RTN1: variants seen among roughly 807,000 people sequenced by gnomAD.
RTN1 encodes the protein reticulon-1.
RTN1 carries 25 observed loss-of-function variants against 65.5 expected under a neutral mutation model. The ratio of observed to expected loss-of-function variants is 0.38; its 90% CI spans 0.28 to 0.53. The LOEUF (loss-of-function observed/expected upper bound fraction) is 0.53, where lower values mean the gene tolerates loss of function less well. RTN1 is among the 20% of genes least tolerant of loss of function. The pLI, the probability that RTN1 is intolerant of heterozygous loss-of-function variation, is 0.79. For missense variants in RTN1, 983 were observed against 1,025.4 expected (o/e 0.96, Z 0.57); for synonymous variants, 471 against 447.6 (o/e 1.05, Z -0.66).
At chr14:59,707,703 TC>T (rs1884326530) in intron 3 of RTN1, among the ~76,000 whole-genome samples, 1 of 133,892 alleles carries the variant, frequency 7.5e-6, no homozygotes, top group Non-Finnish European at 1.6e-5. Flanking sequence ...TCTGTCTCTC[TC>T]TTTTACACAC....
intron 3 of RTN1, among the ~76,000 whole-genome samples, chr14:59,723,709 A>G (rs775779933): frequency 3.3e-5 from 5 of 152,232 alleles, no homozygotes; most frequent in African/African-American, 4.8e-5. Context: ...ACTTATGCAC[A>G]GGGGATCTTG....
intron 3 of RTN1, chr14:59,610,369 C>G (rs77404349): frequency 1.8e-6 from 1 of 550,226 alleles, no homozygotes; most frequent in Non-Finnish European, 3.2e-6. Flanking sequence ...CTTAAAACAA[C>G]AGGCTGTTGG....
At chr14:59,798,975 T>G (rs940917112) in intron 1 of RTN1, among the ~76,000 whole-genome samples, 2 of 152,212 alleles carry the variant, frequency 1.3e-5, no homozygotes, top group East Asian at 1.9e-4. Context: ...TAAGATCTCT[T>G]GAAAAACAAT....
chr14:59,680,663 A>T (rs1883727673), intron 3 of RTN1, among the ~76,000 whole-genome samples: 1 of 152,224 alleles, frequency 6.6e-6, no homozygotes, highest in African/African-American at 2.4e-5. Flanking sequence ...AAATGTTCAT[A>T]TGTTTTAGTA....
intron 3 of RTN1, among the ~76,000 whole-genome samples, chr14:59,709,452 A>G (rs1884370003): frequency 6.6e-6 from 1 of 152,206 alleles, no homozygotes; most frequent in African/African-American, 2.4e-5. Context: ...AATATATTCT[A>G]TTTTATGGAT....
chr14:59,596,571 A>G lies in RTN1; in HGVS notation c.*174T>C. 1 of 565,242 alleles carries G rather than the reference A, an allele frequency of 1.8e-6. No individual in the cohort carries two copies. Among genetic ancestry groups the G allele is most frequent in the Non-Finnish European group, 3.2e-6 (1 of 310,830 alleles). 35.0% of individuals were successfully genotyped at this position (565,242 alleles called of 1,614,324 possible). A position where few individuals can be genotyped will look rare whatever the true frequency, so the allele number is the denominator to read the frequency against. On this transcript the variant is annotated 3_prime_UTR_variant, in exon 9 of 9. Coordinates refer to ENST00000267484, the MANE Select transcript of RTN1 (RefSeq NM_021136.3). ...TTTAGTGGTTGACACAAGTGACTCAAATATCCTAAGAGTACAAGGAACAGC... is the reference window on the plus strand; with the variant it reads ...TTTAGTGGTTGACACAAGTGACTCAGATATCCTAAGAGTACAAGGAACAGC...
intron 1 of RTN1, among the ~76,000 whole-genome samples, chr14:59,768,237 A>C (rs1481264666): frequency 1.3e-5 from 2 of 152,214 alleles, no homozygotes; most frequent in African/African-American, 4.8e-5. Flanking sequence ...AGTTCAATAC[A>C]TTTTATTGAA....
intron 1 of RTN1, among the ~76,000 whole-genome samples, chr14:59,838,165 A>G (rs141780870): frequency 2.7e-4 from 41 of 152,230 alleles, no homozygotes; most frequent in African/African-American, 8.7e-4. Flanking sequence ...TGTATACCCA[A>G]TGGTTAGCTC....
At chr14:59,624,994 T>C (rs1882355181) in intron 3 of RTN1, among the ~76,000 whole-genome samples, 1 of 152,242 alleles carries the variant, frequency 6.6e-6, no homozygotes, top group Non-Finnish European at 1.5e-5. Flanking sequence ...ACTTAAAATA[T>C]ACCAATTACT....
intron 4 of RTN1, among the ~76,000 whole-genome samples, chr14:59,606,435 C>T (rs1481953062): frequency 6.6e-6 from 1 of 152,012 alleles, no homozygotes; most frequent in African/African-American, 2.4e-5. Flanking sequence ...GTCATGAGTG[C>T]ACAGCCCTCA....
intron 1 of RTN1, among the ~76,000 whole-genome samples, chr14:59,833,122 A>C (rs1887155074): frequency 6.6e-6 from 1 of 152,248 alleles, no homozygotes; most frequent in Admixed American, 6.5e-5. Flanking sequence ...ATGATTACAC[A>C]TCAGGAAGCA....
chr14:59,654,721 A>C (rs1194761400), intron 3 of RTN1, among the ~76,000 whole-genome samples: 1 of 152,170 alleles, frequency 6.6e-6, no homozygotes, highest in African/African-American at 2.4e-5. Context: ...ATCTCAATGC[A>C]GAAAAAAAAT....
rs1161890876 is a variant in RTN1, at chr14:59,868,510, C to T, written c.241+1880G>A. On this transcript the variant is annotated intron_variant, in intron 1 of 8. Coordinates refer to ENST00000267484, the MANE Select transcript of RTN1 (RefSeq NM_021136.3). The surrounding 1 kb of genome is among the most constrained non-coding windows in gnomAD (Gnocchi z 4.0). ...CTACAGCCACCTTTCTGTAACAATG[C>T]ACTGTACATTTTGAAATTGCTAAAA... is the stretch of plus-strand genomic sequence containing the variant. 6.6e-6 allele frequency among the ~76,000 whole-genome samples: 1 copy of T among 152,110 alleles called. No homozygotes were observed. The highest frequency in any genetic ancestry group is 1.5e-5 in the Non-Finnish European group (1 of 68,034).
chr14:59,798,219 T>C (rs1195606552), intron 1 of RTN1, among the ~76,000 whole-genome samples: 5 of 152,192 alleles, frequency 3.3e-5, no homozygotes, highest in African/African-American at 1.2e-4. Context: ...TACAAACAAG[T>C]ACAATATTAT....
intron 3 of RTN1, among the ~76,000 whole-genome samples, chr14:59,633,263 T>G (rs956964210): frequency 3.9e-5 from 6 of 152,182 alleles, no homozygotes; most frequent in African/African-American, 1.4e-4. Context: ...AGATTCACAC[T>G]AGTGAAGTAA....
At chr14:59,714,130 G>C (rs1291716786) in intron 3 of RTN1, among the ~76,000 whole-genome samples, 1 of 151,952 alleles carries the variant, frequency 6.6e-6, no homozygotes, top group East Asian at 1.9e-4. Context: ...TGATACTTGG[G>C]ATGCTGAGGC....
chr14:59,855,763 C>T (rs989271541), intron 1 of RTN1, among the ~76,000 whole-genome samples: 2 of 152,184 alleles, frequency 1.3e-5, no homozygotes, highest in South Asian at 4.1e-4. Context: ...CTCTAGGCTT[C>T]CTCTAACACC....
At chr14:59,636,264 G>C (rs1468670730) in intron 3 of RTN1, among the ~76,000 whole-genome samples, 2 of 152,144 alleles carry the variant, frequency 1.3e-5, no homozygotes, top group African/African-American at 4.8e-5. Flanking sequence ...GATCCCTCAT[G>C]GTTTAGCACC....
chr14:59,684,580 T>C (rs1287323658), intron 3 of RTN1, among the ~76,000 whole-genome samples: 2 of 152,200 alleles, frequency 1.3e-5, no homozygotes, highest in East Asian at 3.9e-4. Flanking sequence ...ATTCAATAAA[T>C]TCTCTAATTT....
Sources: allele counts gnomAD v4.1 joint callset (sites outside exome capture counted in the v4.1 genomes callset), GRCh38; gene constraint gnomAD v4.1.1; non-coding constraint Gnocchi (gnomAD v3.1); transcripts MANE v1.5; gene names NCBI Gene and HGNC (gene_info 2026-07-23, HGNC 2026-07-21).